Variants in COG8 observed in about 807,000 individuals in gnomAD.
COG8 encodes the protein conserved oligomeric Golgi complex subunit 8.
A neutral mutation model predicts 46.5 loss-of-function variants in COG8; 45 were observed. The ratio of observed to expected loss-of-function variants is 0.97; its 90% confidence interval spans 0.76 to 1.24. The LOEUF is 1.24. Among genes scored for constraint, COG8 ranks in the 50% most tolerant of loss-of-function variants. The pLI is 0.00. For synonymous variants in COG8, 407 were observed against 347.8 expected (o/e 1.17, Z -1.90); for missense variants, 793 against 820.8 (o/e 0.97, Z 0.41).
intron 1 of COG8, among the ~76,000 whole-genome samples, chr16:69,337,314 C>T (rs1315069787): frequency 6.6e-6 from 1 of 151,740 alleles, no homozygotes; most frequent in African/African-American, 2.4e-5. Flanking sequence ...ATAGGACCCT[C>T]CTCATAAGGG....
rs939393768 is a variant in COG8 at position 69,331,448 on chromosome 16, C to A, written c.1583-353G>T. Among the ~76,000 whole-genome samples the A allele has an allele frequency of 7.4e-5, 7 of 93,972 alleles. No homozygotes were observed. In the East Asian group the frequency reaches 1.4e-3, roughly 19 times the overall value. 61.6% of individuals were successfully genotyped at this position (93,972 alleles called of 152,430 possible). Reference sequence around the variant, plus strand: ...AGCCTGGGCCACAAGAGCAAAACTCCGTCTCAAAAAAAAAAAAAAAAAAAA... The same window carrying A: ...AGCCTGGGCCACAAGAGCAAAACTCAGTCTCAAAAAAAAAAAAAAAAAAAA... On this transcript the variant is annotated intron_variant, in intron 4 of 5. Transcript: ENST00000306875.
Position 69,330,881 on chromosome 16 carries a change from C to T in COG8, c.1797G>A (p.Gly599=). The T allele has an allele frequency of 2.6e-6, 4 of 1,547,494 alleles. No individual in the cohort carries two copies. Among genetic ancestry groups the T allele is most frequent in the Non-Finnish European group, 3.5e-6 (4 of 1,146,060 alleles). The part of the protein sequence containing the change: ...EPAGPACPEG[G]RAETQAEPPS... ...GCGGTTCGGCCTGCGTCTCCGCTCG[C>T]CCTCCCTCCGGGCAGGCTGGGCCCG... Residue 599 remains glycine (G), a synonymous_variant, in exon 5 of 6, where the codon GGG becomes GGA. Transcript: ENST00000306875.
At chr16:69,336,766 G>T in intron 1 of COG8, 54 bp from the exon 2 acceptor site, 1 of 1,497,376 alleles carries the variant, frequency 6.7e-7, no homozygotes, top group Non-Finnish European at 9.3e-7. Context: ...CCAAACCTTA[G>T]CTACAGTTAC....
rs548002506 is a variant in COG8 at position 69,330,937 on chromosome 16, G to A, written c.1741C>T (p.Pro581Ser). 4 of 1,560,796 alleles carry A rather than the reference G, an allele frequency of 2.6e-6. No individual in the cohort carries two copies. The highest frequency in any genetic ancestry group is 1.7e-6 in the Non-Finnish European group (2 of 1,153,056). The change falls in exon 5 of 6, where the codon CCT becomes TCT. Residue 581 changes from proline to serine, a missense_variant. Coordinates refer to ENST00000306875, the MANE Select transcript of COG8 (RefSeq NM_032382.5). ...TCCAGGCGTGGCTCCTCGGCGGGAG[G>A]CTCTGGTGCTGGAGCTGTGAGCTCG... ...GPELTAPAPE[P>S]PAEEPRLEPA... is the part of the protein sequence containing the mutation.
At position 69,328,899 on chromosome 16, in the gene COG8, TTGGCAATCCA is replaced by T. The variant is rs1965687649; in HGVS notation, c.*297_*306del. The T allele has an allele frequency of 5.4e-6, 7 of 1,299,310 alleles. No homozygotes were observed. The highest frequency in any genetic ancestry group is 6.3e-6 in the Non-Finnish European group (6 of 952,604). The allele number at this position is 1,299,310 out of a possible 1,614,324, so 80.5% of individuals were successfully genotyped here. The stretch of plus-strand genomic sequence containing the variant: ...TTCCTCCAGCTCAGTCTGCCATGCC[TTGGCAATCCA>T]GTTTCCTGTCATATGCGAGCCATCC... On this transcript the variant is annotated 3_prime_UTR_variant, in exon 6 of 6. Coordinates refer to ENST00000306875, the MANE Select transcript of COG8 (RefSeq NM_032382.5).
chr16:69,330,173 C>T, intron 5 of COG8: 2 of 1,515,684 alleles, frequency 1.3e-6, no homozygotes, highest in Non-Finnish European at 1.8e-6. Flanking sequence ...CGGGCACTCC[C>T]GACACAGCGC....
chr16:69,339,211 C>G lies in COG8; in HGVS notation c.342G>C (p.Leu114=), dbSNP rs768357571. 2.5e-6 allele frequency: 4 copies of G among 1,612,882 alleles called. No individual in the cohort carries two copies. Among genetic ancestry groups the G allele is most frequent in the Non-Finnish European group, 3.4e-6 (4 of 1,179,888 alleles). Residue 114 remains leucine (L), a synonymous_variant, in exon 1 of 6, where the codon CTG becomes CTC. Coordinates refer to ENST00000306875, the MANE Select transcript of COG8 (RefSeq NM_032382.5). The part of the protein sequence containing the change: ...FGDVEASLGR[L]LDRLPSFQQS... ...GCTGGAAGCTGGGCAAACGGTCGAG[C>G]AGGCGGCCGAGCGACGCCTCCACGT...
chr16:69,330,044 G>A, intron 5 of COG8: 1 of 1,549,708 alleles, frequency 6.5e-7, no homozygotes. Context: ...CAGGAAGCCG[G>A]CGACGCTCTC....
chr16:69,338,984 C>T, intron 1 of COG8, 192 bp downstream of exon 1: 1 of 790,978 alleles, frequency 1.3e-6, no homozygotes, highest in African/African-American at 1.7e-5. Flanking sequence ...CAGGGCGAGA[C>T]TCCGTCTCAA....
rs1462712488 is a variant in COG8, at chr16:69,327,995, A to AT, written c.*1210dup. 1 of 136,828 alleles carries AT rather than the reference A, an allele frequency of 7.3e-6. No individual in the cohort carries two copies. Among genetic ancestry groups the AT allele is most frequent in the African/African-American group, 2.5e-5 (1 of 40,324 alleles). 8.5% of individuals were successfully genotyped at this position (136,828 alleles called of 1,614,324 possible). A position where few individuals can be genotyped will look rare whatever the true frequency, so the allele number is the denominator to read the frequency against. ...AGTCTCGCTCTGTCGCCCAGGCTGG[A>AT]TGGAGTGCAGTGGCGTGATCTCAGC... On this transcript the variant is annotated 3_prime_UTR_variant, in exon 6 of 6. Coordinates refer to ENST00000306875, the MANE Select transcript of COG8 (RefSeq NM_032382.5).
rs927556002 is a variant in COG8, at chr16:69,328,795, C to CT, written c.*410dup. The CT allele has an allele frequency of 3.6e-6, 2 of 560,786 alleles. No homozygotes were observed. Among genetic ancestry groups the CT allele is most frequent in the African/African-American group, 3.9e-5 (2 of 51,736 alleles). The allele number at this position is 560,786 out of a possible 1,614,324, so 34.7% of individuals were successfully genotyped here. Reference sequence around the variant, plus strand: ...CAGAATTGTTAGGAAATGTCCACTCCTTTGGGGGTGATTTTTCTCCTCAAG... The same window carrying CT: ...CAGAATTGTTAGGAAATGTCCACTCCTTTTGGGGGTGATTTTTCTCCTCAAG... On this transcript the variant is annotated 3_prime_UTR_variant, in exon 6 of 6. Transcript: ENST00000306875.
chr16:69,334,593 A>G lies in COG8; in HGVS notation c.1341T>C (p.Asn447=). 1 of 1,614,180 alleles carries G rather than the reference A, an allele frequency of 6.2e-7. No individual in the cohort carries two copies. Among genetic ancestry groups the G allele is most frequent in the Non-Finnish European group, 8.5e-7 (1 of 1,180,040 alleles). Residue 447 remains asparagine (N), a synonymous_variant, in exon 3 of 6, where the codon AAT becomes AAC. Transcript: ENST00000306875. ...CCACAGGGCAGCAGAGGCGCAGATCATTGAAGGCAACCAGAATATTGTTGA... is the reference window on the plus strand; with the variant it reads ...CCACAGGGCAGCAGAGGCGCAGATCGTTGAAGGCAACCAGAATATTGTTGA... ...CFLNNILVAF[N]DLRLCCPVAL...
intron 4 of COG8, among the ~76,000 whole-genome samples, chr16:69,331,453 CAAAAAAAAAAA>C (rs1185929938): frequency 1.5e-4 from 9 of 61,244 alleles, no homozygotes; most frequent in Admixed American, 4.8e-4. Context: ...AACTCCGTCT[CAAAAAAAAAAA>C]AAAAAAAAAA....
intron 2 of COG8, 81 bp from the exon 3 acceptor site, chr16:69,335,429 A>G: frequency 8.7e-7 from 1 of 1,145,476 alleles, no homozygotes; most frequent in Non-Finnish European, 1.3e-6. Flanking sequence ...AAGACTGCAG[A>G]CCAACATTCC....
intron 1 of COG8, among the ~76,000 whole-genome samples, chr16:69,337,237 C>A (rs112796063): frequency 2.0e-5 from 3 of 148,496 alleles, no homozygotes; most frequent in Non-Finnish European, 1.5e-5. Flanking sequence ...GCAGAGATGG[C>A]GCCACTGCAC....
At chr16:69,329,948 GAA>G in intron 5 of COG8, 2 of 1,486,442 alleles carry the variant, frequency 1.3e-6, no homozygotes, top group South Asian at 1.3e-5. Flanking sequence ...GAGTCGGGCA[GAA>G]GAGACGCGCG....
In COG8 at chr16:69,339,373, C is replaced by A; in HGVS notation, c.180G>T (p.Arg60=). Residue 60 remains arginine, a synonymous_variant, in exon 1 of 6, where the codon CGG becomes CGT. Coordinates refer to ENST00000306875, the MANE Select transcript of COG8 (RefSeq NM_032382.5). ...CCAGGCGCTCGGGCTCGCGCCGCAGCCGCTCCAGCCCCGAGCCGCTCAACT... is the reference window on the plus strand; with the variant it reads ...CCAGGCGCTCGGGCTCGCGCCGCAGACGCTCCAGCCCCGAGCCGCTCAACT... ...LRELSGSGLE[R]LRREPERLAE... 1 of 1,581,938 alleles carries A rather than the reference C, an allele frequency of 6.3e-7. No homozygotes were observed. The highest frequency in any genetic ancestry group is 8.6e-7 in the Non-Finnish European group (1 of 1,168,824).
Position 69,335,828 on chromosome 16 carries a change from GA to G in COG8, c.586-481del, listed in dbSNP as rs1275192502. Among the ~76,000 whole-genome samples the G allele has an allele frequency of 3.5e-3, 453 of 130,948 alleles. 3 individuals carry two copies. The highest frequency in any genetic ancestry group is 7.2e-3 in the African/African-American group (251 of 34,940). 85.9% of individuals were successfully genotyped at this position (130,948 alleles called of 152,430 possible). On this transcript the variant is annotated intron_variant, in intron 2 of 5. Transcript: ENST00000306875. ...GAGACTCTGTCTCAAAAAAAAAAAA[GA>G]AAAAAAAAAAAGCTTAAAATCCTCC...
chr16:69,333,463 C>T lies in COG8; in HGVS notation c.1414-581G>A, dbSNP rs530832696. ...CATTACAGGCGTGAGCCACTGCGCC[C>T]GGCCCAATACATGGTTCTTAACTTC... On this transcript the variant is annotated intron_variant, in intron 3 of 5. Coordinates refer to ENST00000306875, the MANE Select transcript of COG8 (RefSeq NM_032382.5). Among the ~76,000 whole-genome samples, 15 of 152,268 alleles carry T rather than the reference C, an allele frequency of 9.9e-5. No homozygotes were observed. The South Asian group carries it at 2.7e-3, about 27-fold the overall frequency.
Sources: gnomAD v4.1 joint callset for allele counts (sites outside exome capture counted in the v4.1 genomes callset) on GRCh38, gnomAD v4.1.1 for gene constraint, MANE v1.5 for transcripts, NCBI Gene and HGNC (gene_info 2026-07-23, HGNC 2026-07-21) for gene names.